Variants in MLKL observed in about 807,000 individuals in gnomAD.
The protein encoded by MLKL is mixed lineage kinase domain-like protein.
A neutral mutation model predicts 56.5 loss-of-function variants in MLKL; 55 were observed. That is an observed-to-expected ratio of 0.97 (90% CI 0.78 to 1.22). The LOEUF (loss-of-function observed/expected upper bound fraction) is 1.22, where lower values mean the gene tolerates loss of function less well. MLKL is among the 50% of genes most tolerant of loss of function. The pLI, the probability that MLKL is intolerant of heterozygous loss-of-function variation, is 0.00. For synonymous variants in MLKL, 251 were observed against 208.3 expected, an observed-to-expected ratio of 1.20 and a Z score of -1.76; for missense variants, 694 against 573.9, an observed-to-expected ratio of 1.21 and a Z score of -2.14.
At chr16:74,679,638 T>C (rs1339205719) in intron 6 of MLKL, among the ~76,000 whole-genome samples, 1 of 152,190 alleles carries the variant, frequency 6.6e-6, no homozygotes, top group East Asian at 1.9e-4. Flanking sequence ...TGAAACATCA[T>C]CTCTACTATT....
At chr16:74,685,891 C>T (rs1036010902) in intron 4 of MLKL, among the ~76,000 whole-genome samples, 1 of 151,794 alleles carries the variant, frequency 6.6e-6, no homozygotes, top group African/African-American at 2.4e-5. Context: ...ACTAAAAAGT[C>T]AAGTATTTGT....
At chr16:74,685,701 C>G in intron 4 of MLKL, 118 bp from the exon 5 acceptor site, 3 of 744,928 alleles carry the variant, frequency 4.0e-6, no homozygotes, top group Non-Finnish European at 6.9e-6. Flanking sequence ...GGGGTGAGAA[C>G]TGGTGCCAGG....
intron 1 of MLKL, 144 bp from the exon 2 acceptor site, chr16:74,695,903 T>A (rs1961009821): frequency 4.0e-6 from 3 of 748,004 alleles, no homozygotes; most frequent in Admixed American, 5.9e-5. Context: ...GATGGTTTGC[T>A]ACCCACCAAA....
Position 74,673,975 on chromosome 16 carries a change from A to G in MLKL, c.1381+985T>C, listed in dbSNP as rs927872790. 3.4e-5 allele frequency among the ~76,000 whole-genome samples: 5 copies of G among 145,598 alleles called. No individual in the cohort carries two copies. In the South Asian group the frequency reaches 8.8e-4, roughly 26 times the overall value. On this transcript the variant is annotated intron_variant, in intron 10 of 10. Transcript: ENST00000308807. ...TCTAAAAAAAAAAAAAAAAAAAACC[A>G]TAAATAGGCAGACAGATAAATAAAG...
intron 6 of MLKL, 100 bp downstream of exon 6, chr16:74,682,551 T>C (rs1960040866): frequency 2.7e-6 from 4 of 1,487,042 alleles, no homozygotes; most frequent in Non-Finnish European, 9.1e-7. Context: ...GGAGGGAGAC[T>C]GTCTGGGGCG....
rs145577288 is a variant in MLKL, at chr16:74,692,893, C to T, written c.461-477G>A. Among the ~76,000 whole-genome samples, 6 of 152,294 alleles carry T rather than the reference C, an allele frequency of 3.9e-5. No homozygotes were observed. In the East Asian group the frequency reaches 7.7e-4, roughly 20 times the overall value. ...AATCAAATCAATCCTGATTTATATA[C>T]TCAGAAACATGTTTGAAAATTTATA... On this transcript the variant is annotated intron_variant, in intron 2 of 10. Transcript: ENST00000308807.
chr16:74,674,857 C>G (rs1007875897), intron 10 of MLKL, 103 bp downstream of exon 10: 2 of 1,398,226 alleles, frequency 1.4e-6, no homozygotes, highest in Middle Eastern at 1.9e-4. Context: ...GATAAAACCA[C>G]CCCTCGTTGT....
At chr16:74,693,969 A>G (rs913960031) in intron 2 of MLKL, among the ~76,000 whole-genome samples, 12 of 152,182 alleles carry the variant, frequency 7.9e-5, no homozygotes, top group Non-Finnish European at 1.5e-5. Context: ...GGGTGTATGT[A>G]TTGGGTTGTT....
At chr16:74,677,378 C>G (rs1012522167) in intron 7 of MLKL, 2 of 152,394 alleles carry the variant, frequency 1.3e-5, no homozygotes, top group African/African-American at 4.8e-5. Context: ...GAGACAGGGT[C>G]TCATTCTGTT....
intron 4 of MLKL, among the ~76,000 whole-genome samples, chr16:74,688,175 G>C (rs1344298276): frequency 6.6e-6 from 1 of 151,598 alleles, no homozygotes; most frequent in Non-Finnish European, 1.5e-5. Context: ...TCGCCATGTT[G>C]GCTAGGCTGG....
In MLKL at chr16:74,689,038, A is replaced by T. The variant is rs112365792; in HGVS notation, c.722+2239T>A. ...GGTAGGACTGTTGCCTGGGCTCAGG[A>T]TGGTGGTGATAGGGGTGAAAGAGGA... On this transcript the variant is annotated intron_variant, in intron 4 of 10. Transcript: ENST00000308807. Among the ~76,000 whole-genome samples the T allele has an allele frequency of 9.6e-3, 1,453 of 152,012 alleles. 24 individuals are homozygous for T. Among genetic ancestry groups the T allele is most frequent in the African/African-American group, 0.033 (1,382 of 41,440 alleles).
intron 10 of MLKL, among the ~76,000 whole-genome samples, chr16:74,674,129 A>G (rs964613248): frequency 1.1e-4 from 17 of 150,990 alleles, no homozygotes; most frequent in Admixed American, 7.9e-4. Flanking sequence ...GGGCTGTCCT[A>G]TGCGTTGTAG....
intron 4 of MLKL, among the ~76,000 whole-genome samples, chr16:74,689,799 C>T (rs183167943): frequency 3.5e-4 from 54 of 152,118 alleles, no homozygotes; most frequent in African/African-American, 1.2e-3. Context: ...AAAAGACAGA[C>T]GACTTAATAG....
intron 5 of MLKL, among the ~76,000 whole-genome samples, chr16:74,684,919 C>T (rs1960235582): frequency 6.6e-6 from 1 of 151,952 alleles, no homozygotes; most frequent in African/African-American, 2.4e-5. Flanking sequence ...GGCTGGAATG[C>T]AATGGTGCAC....
chr16:74,671,920 T>A lies in MLKL; in HGVS notation c.*584A>T, dbSNP rs1175843106. The A allele has an allele frequency of 6.6e-6, 1 of 152,286 alleles. No homozygotes were observed. The highest frequency in any genetic ancestry group is 1.5e-5 in the Non-Finnish European group (1 of 68,092). The allele number at this position is 152,286 out of a possible 1,614,324, so 9.4% of individuals were successfully genotyped here. A position where few individuals can be genotyped will look rare whatever the true frequency, so the allele number is the denominator to read the frequency against. ...TGTGAATGGGCAATTTGGGCTGGGA[T>A]CTGCTTGAGTGGTTCTTCTGGTCTT... On this transcript the variant is annotated 3_prime_UTR_variant, in exon 11 of 11. Transcript: ENST00000308807.
intron 2 of MLKL, among the ~76,000 whole-genome samples, chr16:74,694,992 C>A (rs1457490603): frequency 6.6e-6 from 1 of 152,114 alleles, no homozygotes; most frequent in Non-Finnish European, 1.5e-5. Flanking sequence ...CCTGCCTCAG[C>A]CTCCCGAGTA....
At chr16:74,696,922 A>G (rs951026611) in intron 1 of MLKL, among the ~76,000 whole-genome samples, 2 of 144,138 alleles carry the variant, frequency 1.4e-5, no homozygotes, top group African/African-American at 5.3e-5. Flanking sequence ...AATGTAATAC[A>G]TTACATATAT....
intron 4 of MLKL, among the ~76,000 whole-genome samples, chr16:74,689,094 T>A (rs1960508546): frequency 6.6e-6 from 1 of 151,524 alleles, no homozygotes; most frequent in African/African-American, 2.4e-5. Context: ...GGTTTCTCCT[T>A]CCTTCCTTCC....
chr16:74,691,916 C>A (rs929584849), intron 3 of MLKL, among the ~76,000 whole-genome samples: 4 of 152,172 alleles, frequency 2.6e-5, no homozygotes, highest in Admixed American at 2.6e-4. Context: ...CCTCCTCCAC[C>A]CCGTGAGCTC....
Sources: allele counts gnomAD v4.1 joint callset (sites outside exome capture counted in the v4.1 genomes callset), GRCh38; gene constraint gnomAD v4.1.1; transcripts MANE v1.5; gene names NCBI Gene and HGNC (gene_info 2026-07-23, HGNC 2026-07-21).